The following PBX1 variants were observed in gnomAD, a reference collection of about 807,000 sequenced individuals.
PBX1 encodes the protein PBX homeobox 1.
In PBX1, 6 loss-of-function variants were observed where a neutral mutation model predicts 53.4. That is an observed-to-expected ratio of 0.11 (90% CI 0.06 to 0.22). The LOEUF (loss-of-function observed/expected upper bound fraction) is 0.22. PBX1 is among the 10% of genes least tolerant of loss of function. The pLI is 1.00. For missense variants in PBX1, 251 were observed against 551.4 expected (o/e 0.46, Z 5.46); for synonymous variants, 204 against 212.3 (o/e 0.96, Z 0.34).
At chr1:164,869,037 T>C (rs543607160) in intron 2 of PBX1, among the ~76,000 whole-genome samples, 6 of 152,320 alleles carry the variant, frequency 3.9e-5, no homozygotes, top group Non-Finnish European at 8.8e-5. Context: ...TTTTTCTGTC[T>C]CTGGCATGAA....
chr1:164,603,791 A>G (rs1656339161), intron 2 of PBX1, among the ~76,000 whole-genome samples: 1 of 152,144 alleles, frequency 6.6e-6, no homozygotes, highest in Admixed American at 6.5e-5. Context: ...TTCAAGTTTT[A>G]AGTTTAGTCT....
rs16834571 is a variant in PBX1 at position 164,766,032 on chromosome 1, G to A, written c.266-26462G>A. 5.1e-3 allele frequency among the ~76,000 whole-genome samples: 781 copies of A among 152,276 alleles called. 7 individuals carry two copies. Among genetic ancestry groups the A allele is most frequent in the African/African-American group, 0.015 (629 of 41,564 alleles). ...AAAATATGGTCCCTGCCCTTGGATG[G>A]GTAACTCTCATTTGGCAATCAGAAA... On this transcript the variant is annotated intron_variant, in intron 2 of 8. Coordinates refer to ENST00000420696, the MANE Select transcript of PBX1 (RefSeq NM_002585.4).
chr1:164,753,699 C>T (rs1666344909), intron 2 of PBX1, among the ~76,000 whole-genome samples: 1 of 152,202 alleles, frequency 6.6e-6, no homozygotes, highest in Admixed American at 6.5e-5. Flanking sequence ...CCCAGGGCCA[C>T]TGTGGCTAGC....
intron 2 of PBX1, among the ~76,000 whole-genome samples, chr1:164,690,800 T>A (rs1617366): frequency 6.6e-6 from 1 of 151,542 alleles, no homozygotes; most frequent in African/African-American, 2.4e-5. Context: ...TTAACCTGTT[T>A]GATTTTCATC....
intron 3 of PBX1, 27 bp downstream of exon 3, chr1:164,792,765 A>C (rs1401795692): frequency 6.5e-7 from 1 of 1,529,694 alleles, no homozygotes. Context: ...GGGGCTCGGC[A>C]CCCAGGCCCT....
chr1:164,611,485 G>A (rs1046216020), intron 2 of PBX1, among the ~76,000 whole-genome samples: 2 of 152,086 alleles, frequency 1.3e-5, no homozygotes, highest in Admixed American at 6.5e-5. Flanking sequence ...TGATCCGCCC[G>A]CCTCGGCCTC....
intron 2 of PBX1, among the ~76,000 whole-genome samples, chr1:164,870,306 T>TTTCTTTCTTTCTTTCTTTCC (rs1672340669): frequency 1.3e-5 from 1 of 75,218 alleles, no homozygotes; most frequent in African/African-American, 5.7e-5. Context: ...TCTTTCTTTC[T>TTTCTTTCTTTCTTTCTTTCC]TTCTTTCTTT....
At chr1:164,871,744 C>T (rs1330377359) in intron 2 of PBX1, among the ~76,000 whole-genome samples, 1 of 152,124 alleles carries the variant, frequency 6.6e-6, no homozygotes, top group African/African-American at 2.4e-5. Context: ...GGCCAAAGAA[C>T]CTTCCACTAT....
intron 2 of PBX1, among the ~76,000 whole-genome samples, chr1:164,628,382 A>G (rs2101872264): frequency 6.6e-6 from 1 of 152,312 alleles, no homozygotes; most frequent in Middle Eastern, 3.4e-3. Flanking sequence ...GAGTCCGAAC[A>G]GTCACCTTGA....
intron 2 of PBX1, among the ~76,000 whole-genome samples, chr1:164,677,763 C>T (rs1011115481): frequency 6.6e-6 from 1 of 151,858 alleles, no homozygotes; most frequent in African/African-American, 2.4e-5. Context: ...TAGTAGCCAG[C>T]ACTAAGGAAG....
chr1:164,636,419 G>A (rs1658784221), intron 2 of PBX1, among the ~76,000 whole-genome samples: 2 of 152,122 alleles, frequency 1.3e-5, no homozygotes, highest in Admixed American at 1.3e-4. Flanking sequence ...ATTTTTAGTT[G>A]CCTTGTAGAG....
At chr1:164,840,889 G>A (rs1333165831) in intron 8 of PBX1, among the ~76,000 whole-genome samples, 1 of 152,132 alleles carries the variant, frequency 6.6e-6, no homozygotes, top group African/African-American at 2.4e-5. Context: ...GGAGGTCAGG[G>A]ATCTCATGCC....
chr1:164,560,057 T>A, intron 1 of PBX1, 44 bp downstream of exon 1: 2 of 1,284,096 alleles, frequency 1.6e-6, no homozygotes, highest in Non-Finnish European at 2.0e-6. Context: ...GTTTTTTGTT[T>A]TTCTTCCTCT....
intron 2 of PBX1, among the ~76,000 whole-genome samples, chr1:164,690,493 G>A (rs1662402119): frequency 6.6e-6 from 1 of 152,172 alleles, no homozygotes; most frequent in Non-Finnish European, 1.5e-5. Flanking sequence ...ACATTGTTCG[G>A]GCGCAGTGGC....
intron 2 of PBX1, among the ~76,000 whole-genome samples, chr1:164,661,221 ATGG>A (rs1184091899): frequency 1.3e-5 from 2 of 152,160 alleles, no homozygotes; most frequent in African/African-American, 4.8e-5. Context: ...ATCTATAGTA[ATGG>A]TGGGGAAGGA....
chr1:164,834,027 A>ATGTGTGTGTGTGTGTGTGTG (rs1289743111), intron 8 of PBX1, among the ~76,000 whole-genome samples: 8 of 79,264 alleles, frequency 1.0e-4, no homozygotes, highest in Non-Finnish European at 1.6e-4. Flanking sequence ...ATATATATGT[A>ATGTGTGTGTGTGTGTGTGTG]TATGTGTGTG....
chr1:164,823,951 C>T (rs532470241), intron 8 of PBX1, among the ~76,000 whole-genome samples: 5 of 151,966 alleles, frequency 3.3e-5, no homozygotes, highest in African/African-American at 7.2e-5. Flanking sequence ...TGGTGGTATT[C>T]GATGCTAAGA....
intron 6 of PBX1, 80 bp downstream of exon 6, chr1:164,812,229 C>CT: frequency 7.5e-7 from 1 of 1,338,368 alleles, no homozygotes; most frequent in South Asian, 1.5e-5. Context: ...TTGGGATTTT[C>CT]TTTTAATTTG....
rs79721421 is a variant in PBX1 at position 164,848,077 on chromosome 1, G to A, written c.*1401G>A. ...CTGGAGGAAAGAGTTGTATAAGAAC[G>A]TGGCTCATGTGAACTTTTGCTAGCT... is the stretch of plus-strand genomic sequence containing the variant. On this transcript the variant is annotated 3_prime_UTR_variant, in exon 9 of 9. Transcript: ENST00000420696. 4,739 of 1,051,246 alleles carry A rather than the reference G, an allele frequency of 4.5e-3. 165 individuals carry two copies. The African/African-American group carries it at 0.065, about 14-fold the overall frequency. 65.1% of individuals were successfully genotyped at this position (1,051,246 alleles called of 1,614,324 possible).
Sources: gnomAD v4.1 joint callset for allele counts (sites outside exome capture counted in the v4.1 genomes callset) on GRCh38, gnomAD v4.1.1 for gene constraint, MANE v1.5 for transcripts, NCBI Gene and HGNC (gene_info 2026-07-23, HGNC 2026-07-21) for gene names.